The following GPC5 variants were observed in gnomAD, a reference collection of about 807,000 sequenced individuals.
The protein encoded by GPC5 is glypican-5.
A neutral mutation model predicts 53.9 loss-of-function variants in GPC5; 47 were observed. The ratio of observed to expected loss-of-function variants is 0.87; its 90% confidence interval spans 0.69 to 1.11. The LOEUF (loss-of-function observed/expected upper bound fraction) is 1.11, where lower values mean the gene tolerates loss of function less well. Ranked by LOEUF, GPC5 falls within the 50% of genes most tolerant of loss-of-function variation. GPC5 has a pLI of 0.00. For missense variants in GPC5, 748 were observed against 713.1 expected, an observed-to-expected ratio of 1.05 and a Z score of -0.56; for synonymous variants, 286 against 263.3, an observed-to-expected ratio of 1.09 and a Z score of -0.84.
intron 7 of GPC5, among the ~76,000 whole-genome samples, chr13:92,659,863 A>C (rs909207133): frequency 2.6e-5 from 4 of 152,200 alleles, no homozygotes; most frequent in African/African-American, 9.7e-5. Flanking sequence ...GAAGTCTATC[A>C]GAATGGGAAC....
At chr13:92,380,727 G>A (rs1217570978) in intron 7 of GPC5, among the ~76,000 whole-genome samples, 1 of 138,394 alleles carries the variant, frequency 7.2e-6, no homozygotes, top group Non-Finnish European at 1.5e-5. Context: ...ATGGACACAG[G>A]AAGGGGAACA....
At chr13:92,039,021 G>A (rs2040920877) in intron 6 of GPC5, among the ~76,000 whole-genome samples, 1 of 152,208 alleles carries the variant, frequency 6.6e-6, no homozygotes, top group Non-Finnish European at 1.5e-5. Context: ...TTCACTTAAG[G>A]AGATGTTTGA....
chr13:92,746,121 C>G (rs914371621), intron 7 of GPC5, among the ~76,000 whole-genome samples: 1 of 150,778 alleles, frequency 6.6e-6, no homozygotes, highest in African/African-American at 2.5e-5. Context: ...CCCATCCTGT[C>G]GTCTAGTCAT....
intron 7 of GPC5, among the ~76,000 whole-genome samples, chr13:92,710,862 T>TA (rs1888111774): frequency 1.3e-5 from 2 of 152,240 alleles, no homozygotes; most frequent in African/African-American, 4.8e-5. Context: ...GGAAGAATTA[T>TA]TTTTATGTGA....
intron 2 of GPC5, among the ~76,000 whole-genome samples, chr13:91,642,691 G>A (rs1378052673): frequency 6.7e-6 from 1 of 148,640 alleles, no homozygotes; most frequent in East Asian, 2.0e-4. Context: ...GACTTAGAAA[G>A]GATGTCAAGT....
chr13:92,604,930 ACT>A (rs1884201777), intron 7 of GPC5, among the ~76,000 whole-genome samples: 1 of 152,150 alleles, frequency 6.6e-6, no homozygotes, highest in Non-Finnish European at 1.5e-5. Context: ...AATCTTGCTG[ACT>A]CTTCATTAAG....
At chr13:91,947,914 G>A (rs1357132753) in intron 6 of GPC5, among the ~76,000 whole-genome samples, 1 of 152,076 alleles carries the variant, frequency 6.6e-6, no homozygotes, top group Non-Finnish European at 1.5e-5. Flanking sequence ...CACTTTGGGA[G>A]GCCGAGGCGG....
chr13:92,016,633 C>T (rs2040709561), intron 6 of GPC5, among the ~76,000 whole-genome samples: 1 of 152,072 alleles, frequency 6.6e-6, no homozygotes, highest in Admixed American at 6.5e-5. Context: ...AATATAGGCT[C>T]TTTGAATGTG....
At chr13:91,682,520 G>A (rs1370931623) in intron 2 of GPC5, among the ~76,000 whole-genome samples, 1 of 152,112 alleles carries the variant, frequency 6.6e-6, no homozygotes, top group Non-Finnish European at 1.5e-5. Context: ...TACACGCATG[G>A]GACTAGCATC....
intron 7 of GPC5, among the ~76,000 whole-genome samples, chr13:92,415,738 G>C (rs552235524): frequency 2.0e-5 from 3 of 151,886 alleles, no homozygotes; most frequent in Non-Finnish European, 2.9e-5. Flanking sequence ...AGTGAGCTAC[G>C]CAGAACAGAC....
intron 5 of GPC5, among the ~76,000 whole-genome samples, chr13:91,776,638 G>C (rs754690365): frequency 6.6e-6 from 1 of 152,148 alleles, no homozygotes; most frequent in Non-Finnish European, 1.5e-5. Context: ...TCTAGTGCTA[G>C]AGCTCATATT....
intron 6 of GPC5, among the ~76,000 whole-genome samples, chr13:92,138,640 C>A (rs927816720): frequency 1.3e-5 from 2 of 152,038 alleles, no homozygotes; most frequent in African/African-American, 4.8e-5. Flanking sequence ...TATATGGAAA[C>A]CCTTTGTTGT....
At chr13:92,326,311 C>T (rs2043250520) in intron 7 of GPC5, among the ~76,000 whole-genome samples, 1 of 151,912 alleles carries the variant, frequency 6.6e-6, no homozygotes, top group South Asian at 2.1e-4. Context: ...TTTATATTTC[C>T]TTCTCCTCTC....
chr13:92,357,056 C>G (rs1170552105), intron 7 of GPC5, among the ~76,000 whole-genome samples: 1 of 148,126 alleles, frequency 6.8e-6, no homozygotes, highest in South Asian at 2.1e-4. Context: ...CTTGTTCTTT[C>G]TTACTCTTGC....
intron 7 of GPC5, among the ~76,000 whole-genome samples, chr13:92,855,437 A>G (rs186469687): frequency 6.6e-6 from 1 of 152,134 alleles, no homozygotes; most frequent in Non-Finnish European, 1.5e-5. Flanking sequence ...CAAGTGTTGT[A>G]ATTACATTAT....
At chr13:92,193,120 A>T (rs891263163) in intron 7 of GPC5, among the ~76,000 whole-genome samples, 35 of 152,276 alleles carry the variant, frequency 2.3e-4, no homozygotes, top group African/African-American at 8.4e-4. Context: ...GGTTGCAGTG[A>T]GCCGAGATGG....
intron 7 of GPC5, among the ~76,000 whole-genome samples, chr13:92,353,333 T>C (rs932605588): frequency 1.0e-4 from 15 of 148,744 alleles, no homozygotes; most frequent in Non-Finnish European, 1.5e-5. Context: ...CAGATAGTCA[T>C]ACGATGATAC....
chr13:92,230,553 T>A (rs1455155931), intron 7 of GPC5, among the ~76,000 whole-genome samples: 1 of 152,188 alleles, frequency 6.6e-6, no homozygotes, highest in Non-Finnish European at 1.5e-5. Flanking sequence ...TCTGTGATAA[T>A]CTTTTCCTTA....
chr13:91,889,088 A>T (rs1327287340), intron 5 of GPC5, among the ~76,000 whole-genome samples: 1 of 152,210 alleles, frequency 6.6e-6, no homozygotes, highest in Non-Finnish European at 1.5e-5. Flanking sequence ...CAGGCCAGAC[A>T]GGCACCTGAT....
Sources: allele counts gnomAD v4.1 joint callset (sites outside exome capture counted in the v4.1 genomes callset), GRCh38; gene constraint gnomAD v4.1.1; transcripts MANE v1.5; gene names NCBI Gene and HGNC (gene_info 2026-07-23, HGNC 2026-07-21).